ZBED2: variants seen among roughly 807,000 people sequenced by gnomAD.
ZBED2 encodes zinc finger BED-type containing 2.
For missense variants in ZBED2, 285 were observed against 281.0 expected, an observed-to-expected ratio of 1.01 and a Z score of -0.10; for synonymous variants, 97 against 98.8, an observed-to-expected ratio of 0.98 and a Z score of 0.11.
Position 111,593,979 on chromosome 3 carries a change from A to G in ZBED2, c.223T>C (p.Tyr75His), listed in dbSNP as rs147602525. 5 of 1,613,982 alleles carry G rather than the reference A, an allele frequency of 3.1e-6. No homozygotes were observed. The African/African-American group carries it at 6.7e-5, about 22-fold the overall frequency. The part of the protein sequence containing the change: ...PARAGHHPNQ[Y>H]ATCRLCGRQV... ...CTGCCACACAGGCGGCAGGTGGCAT[A>G]CTGGTTGGGATGGTGCCCAGCACGA... The change falls in exon 2 of 2, where the codon TAT becomes CAT. Residue 75 changes from tyrosine to histidine, a missense_variant. Coordinates refer to ENST00000317012, the MANE Select transcript of ZBED2 (RefSeq NM_024508.5).
In ZBED2 at chr3:111,593,613, C is replaced by T; in HGVS notation, c.589G>A (p.Ala197Thr). ...TCCCGCTGGCATGCCTCCTTCTCAGCCCTCACCTTCCACTTCATCTCCAGG... is the reference window on the plus strand; with the variant it reads ...TCCCGCTGGCATGCCTCCTTCTCAGTCCTCACCTTCCACTTCATCTCCAGG... ...AILEMKWKVR[A>T]EKEACQREKE... The change falls in exon 2 of 2, where the codon GCT becomes ACT. Residue 197 changes from alanine to threonine, a missense_variant. Coordinates refer to ENST00000317012, the MANE Select transcript of ZBED2 (RefSeq NM_024508.5). 2 of 1,584,554 alleles carry T rather than the reference C, an allele frequency of 1.3e-6. No homozygotes were observed. Among genetic ancestry groups the T allele is most frequent in the Non-Finnish European group, 1.7e-6 (2 of 1,162,894 alleles).
In ZBED2 at chr3:111,594,540, G is replaced by A; in HGVS notation, c.-339C>T. On this transcript the variant is annotated 5_prime_UTR_variant, in exon 2 of 2. Transcript: ENST00000317012. ...TGGTCCAACAATTACAAAGCTCTTT[G>A]ATGAACTCAGTGTTTTCTGCATCAA... is the stretch of plus-strand genomic sequence containing the variant. 4.1e-6 allele frequency: 1 copy of A among 242,954 alleles called. No homozygotes were observed. The highest frequency in any genetic ancestry group is 8.5e-6 in the Non-Finnish European group (1 of 117,708). The allele number at this position is 242,954 out of a possible 1,614,324, so 15.0% of individuals were successfully genotyped here.
rs1254891193 is a variant in ZBED2 at position 111,592,925 on chromosome 3, G to A, written c.*620C>T. ...TACTGATGAAACAACTTTAATATAA[G>A]CAAGAAAATACATTGCAGCAATAAC... On this transcript the variant is annotated 3_prime_UTR_variant, in exon 2 of 2. Transcript: ENST00000317012. The A allele has an allele frequency of 1.3e-5, 2 of 152,172 alleles. No homozygotes were observed. Among genetic ancestry groups the A allele is most frequent in the Admixed American group, 6.6e-5 (1 of 15,260 alleles). 9.4% of individuals were successfully genotyped at this position (152,172 alleles called of 1,614,324 possible).
rs1194140191 is a variant in ZBED2, at chr3:111,592,914, C to G, written c.*631G>C. 6.6e-6 allele frequency: 1 copy of G among 152,166 alleles called. No individual in the cohort carries two copies. The highest frequency in any genetic ancestry group is 1.5e-5 in the Non-Finnish European group (1 of 68,040). 9.4% of individuals were successfully genotyped at this position (152,166 alleles called of 1,614,324 possible). ...GACTCAGATTATACTGATGAAACAA[C>G]TTTAATATAAGCAAGAAAATACATT... is the stretch of plus-strand genomic sequence containing the variant. On this transcript the variant is annotated 3_prime_UTR_variant, in exon 2 of 2. Coordinates refer to ENST00000317012, the MANE Select transcript of ZBED2 (RefSeq NM_024508.5).
rs1008453412 is a variant in ZBED2, at chr3:111,593,937, G to A, written c.265C>T (p.Pro89Ser). 13 of 1,613,884 alleles carry A rather than the reference G, an allele frequency of 8.1e-6. No homozygotes were observed. The highest frequency in any genetic ancestry group is 1.1e-5 in the South Asian group (1 of 91,082). ...GCAGTGGTGCCCACGTTGACCCCAG[G>A]GCCACGGCTCACCTGCCTGCCACAC... is the stretch of plus-strand genomic sequence containing the variant. ...RLCGRQVSRG[P>S]GVNVGTTALW... is the part of the protein sequence containing the mutation. The change falls in exon 2 of 2, where the codon CCT becomes TCT. Residue 89 changes from proline (P) to serine (S), a missense_variant. Transcript: ENST00000317012.
In ZBED2 at chr3:111,593,423, C is replaced by G; in HGVS notation, c.*122G>C. ...TGCTCAGATTAACTCATACTGTGCA[C>G]TATTTCACATAAAAGCAAAATGTCA... is the stretch of plus-strand genomic sequence containing the variant. On this transcript the variant is annotated 3_prime_UTR_variant, in exon 2 of 2. Transcript: ENST00000317012. The G allele has an allele frequency of 8.0e-7, 1 of 1,248,764 alleles. No individual in the cohort carries two copies. Among genetic ancestry groups the G allele is most frequent in the Admixed American group, 2.9e-5 (1 of 35,010 alleles). 77.4% of individuals were successfully genotyped at this position (1,248,764 alleles called of 1,614,324 possible).
chr3:111,594,326 C>A lies in ZBED2; in HGVS notation c.-125G>T. The A allele has an allele frequency of 8.1e-7, 1 of 1,241,104 alleles. No homozygotes were observed. Among genetic ancestry groups the A allele is most frequent in the Middle Eastern group, 2.0e-4 (1 of 4,904 alleles). The allele number at this position is 1,241,104 out of a possible 1,614,324, so 76.9% of individuals were successfully genotyped here. ...AACTCTTGGGGATTCACAATAATGG[C>A]CAAAGTCTGGCCACACCTGGGTGGT... On this transcript the variant is annotated 5_prime_UTR_variant, in exon 2 of 2. Transcript: ENST00000317012.
chr3:111,593,672 C>T lies in ZBED2; in HGVS notation c.530G>A (p.Arg177Lys), dbSNP rs1011045972. ...TTCCACCTCCTCCAGGGCTCGCTCC[C>T]TTTTTTCCACAGCCCTCTCCCGCCA... Reference protein sequence around the residue: ...VEWRERAVEKRERALEEVERA... With the variant: ...VEWRERAVEKKERALEEVERA... The change falls in exon 2 of 2, where the codon AGG (arginine) becomes AAG (lysine). Residue 177 changes from arginine (R) to lysine (K), a missense_variant. Arg to Lys is a conservative substitution (Grantham distance 26, BLOSUM62 2). Transcript: ENST00000317012. 1 of 1,611,976 alleles carries T rather than the reference C, an allele frequency of 6.2e-7. No individual in the cohort carries two copies. Among genetic ancestry groups the T allele is most frequent in the Non-Finnish European group, 8.5e-7 (1 of 1,178,588 alleles).
chr3:111,594,054 T>C lies in ZBED2; in HGVS notation c.148A>G (p.Lys50Glu). ...SAMPTPMPHN[K>E]GTRFSEAWEY... ...CATGCCTCAGAGAACCGGGTGCCCT[T>C]GTTGTGGGGCATTGGAGTGGGCATA... Residue 50 changes from lysine to glutamate, a missense_variant, in exon 2 of 2, where the codon AAG (lysine) becomes GAG (glutamate). Coordinates refer to ENST00000317012, the MANE Select transcript of ZBED2 (RefSeq NM_024508.5). 6.2e-7 allele frequency: 1 copy of C among 1,614,124 alleles called. No individual in the cohort carries two copies. The highest frequency in any genetic ancestry group is 8.5e-7 in the Non-Finnish European group (1 of 1,180,030).
chr3:111,593,962 C>T lies in ZBED2; in HGVS notation c.240G>A (p.Leu80=). ...GGCCACGGCTCACCTGCCTGCCACA[C>T]AGGCGGCAGGTGGCATACTGGTTGG... ...HHPNQYATCR[L]CGRQVSRGPG... The change falls in exon 2 of 2, where the codon CTG becomes CTA. Residue 80 remains leucine (L), a synonymous_variant. Coordinates refer to ENST00000317012, the MANE Select transcript of ZBED2 (RefSeq NM_024508.5). The T allele has an allele frequency of 1.2e-6, 2 of 1,614,130 alleles. No individual in the cohort carries two copies. Among genetic ancestry groups the T allele is most frequent in the Non-Finnish European group, 8.5e-7 (1 of 1,180,042 alleles).
chr3:111,593,474 G>C lies in ZBED2; in HGVS notation c.*71C>G. 6.7e-7 allele frequency: 1 copy of C among 1,489,678 alleles called. No homozygotes were observed. The highest frequency in any genetic ancestry group is 8.9e-7 in the Non-Finnish European group (1 of 1,121,562). 92.3% of individuals were successfully genotyped at this position (1,489,678 alleles called of 1,614,324 possible). A position where few individuals can be genotyped will look rare whatever the true frequency, so the allele number is the denominator to read the frequency against. ...CCAAACTACTTTGCTTTACATTTGA[G>C]TTGAAACTAAAATGGCTCTTTTCTA... On this transcript the variant is annotated 3_prime_UTR_variant, in exon 2 of 2. Coordinates refer to ENST00000317012, the MANE Select transcript of ZBED2 (RefSeq NM_024508.5).
Position 111,594,352 on chromosome 3 carries a change from G to T in ZBED2, c.-151C>A. 2.1e-6 allele frequency: 2 copies of T among 932,888 alleles called. No homozygotes were observed. The highest frequency in any genetic ancestry group is 1.6e-6 in the Non-Finnish European group (1 of 632,868). 57.8% of individuals were successfully genotyped at this position (932,888 alleles called of 1,614,324 possible). On this transcript the variant is annotated 5_prime_UTR_variant, in exon 2 of 2. Coordinates refer to ENST00000317012, the MANE Select transcript of ZBED2 (RefSeq NM_024508.5). ...CAAAGTCTGGCCACACCTGGGTGGT[G>T]TGAGGTTTCTTCCTTTCTGCTTCAC...
chr3:111,593,367 C>T lies in ZBED2; in HGVS notation c.*178G>A. The T allele has an allele frequency of 1.5e-6, 1 of 673,076 alleles. No homozygotes were observed. Among genetic ancestry groups the T allele is most frequent in the East Asian group, 3.0e-5 (1 of 33,554 alleles). The allele number at this position is 673,076 out of a possible 1,614,324, so 41.7% of individuals were successfully genotyped here. ...CAAGGGTCAGCAGAGCTCTAGGAACCTCGTAGATAAGCATTTGGTCAATTC... is the reference window on the plus strand; with the variant it reads ...CAAGGGTCAGCAGAGCTCTAGGAACTTCGTAGATAAGCATTTGGTCAATTC... On this transcript the variant is annotated 3_prime_UTR_variant, in exon 2 of 2. Coordinates refer to ENST00000317012, the MANE Select transcript of ZBED2 (RefSeq NM_024508.5).
rs374514203 is a variant in ZBED2, at chr3:111,594,167, G to A, written c.35C>T (p.Thr12Ile). Residue 12 changes from threonine (T) to isoleucine (I), a missense_variant, in exon 2 of 2, where the codon ACA (threonine) becomes ATA (isoleucine). Transcript: ENST00000317012. ...TAAGTCCCCTTTTGCCTTCATCATT[G>A]TTCCCTCCTCTTCCTCGTCTTCCCG... ...MRREDEEEEG[T>I]MMKAKGDLEM... 1 of 1,607,680 alleles carries A rather than the reference G, an allele frequency of 6.2e-7. No individual in the cohort carries two copies. The highest frequency in any genetic ancestry group is 1.3e-5 in the African/African-American group (1 of 74,934).
Position 111,593,506 on chromosome 3 carries a change from T to C in ZBED2, c.*39A>G, listed in dbSNP as rs1021351057. 4.6e-6 allele frequency: 7 copies of C among 1,507,574 alleles called. No individual in the cohort carries two copies. The highest frequency in any genetic ancestry group is 5.3e-6 in the Non-Finnish European group (6 of 1,128,712). 93.4% of individuals were successfully genotyped at this position (1,507,574 alleles called of 1,614,324 possible). A position where few individuals can be genotyped will look rare whatever the true frequency, so the allele number is the denominator to read the frequency against. ...CTAAAATGGCTCTTTTCTACAAGTC[T>C]AGAGTCAATGTTTTCAGAATAGATT... On this transcript the variant is annotated 3_prime_UTR_variant, in exon 2 of 2. Transcript: ENST00000317012.
At position 111,593,985 on chromosome 3, in the gene ZBED2, T is replaced by G. The variant is rs34219871; in HGVS notation, c.217A>C (p.Asn73His). 1.9e-6 allele frequency: 3 copies of G among 1,614,166 alleles called. No homozygotes were observed. Among genetic ancestry groups the G allele is most frequent in the South Asian group, 1.1e-5 (1 of 91,084 alleles). ...LAPARAGHHP[N>H]QYATCRLCGR... ...CACAGGCGGCAGGTGGCATACTGGT[T>G]GGGATGGTGCCCAGCACGAGCAGGA... Residue 73 changes from asparagine to histidine, a missense_variant, in exon 2 of 2, where the codon AAC (asparagine) becomes CAC (histidine). Coordinates refer to ENST00000317012, the MANE Select transcript of ZBED2 (RefSeq NM_024508.5).
In ZBED2 at chr3:111,593,859, G is replaced by C; in HGVS notation, c.343C>G (p.His115Asp). ...TCCTGGCGCTGCCCAGCCTGACCATGGCCACTCTTCTCCAGCTCCTCTCTG... is the reference window on the plus strand; with the variant it reads ...TCCTGGCGCTGCCCAGCCTGACCATCGCCACTCTTCTCCAGCTCCTCTCTG... ...MHREELEKSG[H>D]GQAGQRQDPR... The change falls in exon 2 of 2, where the codon CAT becomes GAT. Residue 115 changes from histidine (H) to aspartate (D), a missense_variant. His to Asp is a moderately conservative substitution (Grantham distance 81). Transcript: ENST00000317012. 1 of 1,613,860 alleles carries C rather than the reference G, an allele frequency of 6.2e-7. No individual in the cohort carries two copies. The highest frequency in any genetic ancestry group is 1.1e-5 in the South Asian group (1 of 91,084).
In ZBED2 at chr3:111,593,848, A is replaced by T. The variant is rs1053129309; in HGVS notation, c.354T>A (p.Ala118=). The stretch of plus-strand genomic sequence containing the variant: ...GGGGCCTTGGATCCTGGCGCTGCCC[A>T]GCCTGACCATGGCCACTCTTCTCCA... ...EELEKSGHGQ[A]GQRQDPRPHG... is the part of the protein sequence containing the mutation. Residue 118 remains alanine, a synonymous_variant, in exon 2 of 2, where the codon GCT becomes GCA. Coordinates refer to ENST00000317012, the MANE Select transcript of ZBED2 (RefSeq NM_024508.5). 6 of 1,613,838 alleles carry T rather than the reference A, an allele frequency of 3.7e-6. No individual in the cohort carries two copies. In the Admixed American group the frequency reaches 5.0e-5, roughly 13 times the overall value.
chr3:111,593,642 G>T lies in ZBED2; in HGVS notation c.560C>A (p.Ala187Asp). 2 of 1,604,144 alleles carry T rather than the reference G, an allele frequency of 1.2e-6. No homozygotes were observed. ...RERALEEVER[A>D]ILEMKWKVRA... The stretch of plus-strand genomic sequence containing the variant: ...CACCTTCCACTTCATCTCCAGGATG[G>T]CCCTTTCCACCTCCTCCAGGGCTCG... The change falls in exon 2 of 2, where the codon GCC (alanine) becomes GAC (aspartate). Residue 187 changes from alanine to aspartate, a missense_variant. Transcript: ENST00000317012.
Sources: allele counts gnomAD v4.1 joint callset, GRCh38; gene constraint gnomAD v4.1.1; transcripts MANE v1.5; gene names NCBI Gene and HGNC (gene_info 2026-07-23, HGNC 2026-07-21).